FOXO1: variants seen among roughly 807,000 people sequenced by gnomAD.
The protein encoded by FOXO1 is forkhead box protein O1.
Under a neutral mutation model 44.1 loss-of-function variants are expected in FOXO1, and 6 were observed. The observed-to-expected ratio is 0.14, with a 90% CI of 0.07 to 0.27. The LOEUF (loss-of-function observed/expected upper bound fraction) is 0.27, where lower values mean the gene tolerates loss of function less well. Among genes scored for constraint, FOXO1 ranks in the 10% least tolerant of loss-of-function variants. FOXO1 has a pLI of 1.00. For synonymous variants in FOXO1, 380 were observed against 362.7 expected (o/e 1.05, Z -0.54); for missense variants, 737 against 888.8 (o/e 0.83, Z 2.17).
At chr13:40,603,433 A>G (rs1174806855) in intron 1 of FOXO1, among the ~76,000 whole-genome samples, 2 of 151,462 alleles carry the variant, frequency 1.3e-5, no homozygotes, top group Non-Finnish European at 2.9e-5. Context: ...AAAAGTATGT[A>G]TACCTTATAT....
At chr13:40,631,154 T>C (rs1876949574) in intron 1 of FOXO1, among the ~76,000 whole-genome samples, 1 of 152,100 alleles carries the variant, frequency 6.6e-6, no homozygotes, top group African/African-American at 2.4e-5. Flanking sequence ...TCCTGCAGGG[T>C]GGAGTGGCAG....
chr13:40,653,997 T>C (rs929359748), intron 1 of FOXO1, among the ~76,000 whole-genome samples: 1 of 152,128 alleles, frequency 6.6e-6, no homozygotes, highest in Non-Finnish European at 1.5e-5. Context: ...GAAATATCTT[T>C]AATGAAACAA....
chr13:40,631,198 T>A (rs1328921820), intron 1 of FOXO1, among the ~76,000 whole-genome samples: 1 of 152,168 alleles, frequency 6.6e-6, no homozygotes, highest in East Asian at 1.9e-4. Context: ...GAAAAGTATT[T>A]ATGCTGCAAC....
intron 1 of FOXO1, 76 bp downstream of exon 1, chr13:40,665,507 G>A (rs1188862439): frequency 3.3e-6 from 4 of 1,230,020 alleles, no homozygotes; most frequent in East Asian, 3.1e-5. Flanking sequence ...CCTTCAGGCC[G>A]AGCAAACCTG....
At chr13:40,610,365 T>C (rs1270951059) in intron 1 of FOXO1, among the ~76,000 whole-genome samples, 1 of 152,176 alleles carries the variant, frequency 6.6e-6, no homozygotes, top group African/African-American at 2.4e-5. Flanking sequence ...AGGGGGTGTT[T>C]AGTGTGTGAG....
chr13:40,608,525 TA>T, intron 1 of FOXO1, among the ~76,000 whole-genome samples: 1 of 152,366 alleles, frequency 6.6e-6, no homozygotes, highest in East Asian at 1.9e-4. Context: ...GAGCAAAAGC[TA>T]ACTGATACAA....
chr13:40,565,291 A>G (rs867171428), intron 1 of FOXO1, among the ~76,000 whole-genome samples: 1 of 152,118 alleles, frequency 6.6e-6, no homozygotes, highest in Non-Finnish European at 1.5e-5. Flanking sequence ...GAAGCTTTTG[A>G]TCTACCTGGG....
At chr13:40,661,839 A>G (rs1359036503) in intron 1 of FOXO1, among the ~76,000 whole-genome samples, 2 of 152,174 alleles carry the variant, frequency 1.3e-5, no homozygotes, top group Non-Finnish European at 2.9e-5. Context: ...CATAGGCCAA[A>G]TAAGAAACAT....
chr13:40,657,618 C>G (rs980717706), intron 1 of FOXO1, among the ~76,000 whole-genome samples: 2 of 152,088 alleles, frequency 1.3e-5, no homozygotes, highest in African/African-American at 4.8e-5. Context: ...ACAGGCATGA[C>G]CCACTGTGCC....
intron 1 of FOXO1, among the ~76,000 whole-genome samples, chr13:40,581,414 G>A (rs769686547): frequency 2.6e-5 from 4 of 152,144 alleles, no homozygotes; most frequent in East Asian, 1.9e-4. Flanking sequence ...ATCATCAACA[G>A]AACTTTAATT....
At chr13:40,623,215 T>A (rs1282569807) in intron 1 of FOXO1, among the ~76,000 whole-genome samples, 1 of 152,088 alleles carries the variant, frequency 6.6e-6, no homozygotes, top group African/African-American at 2.4e-5. Context: ...TGCATTTCGC[T>A]CCAGGCCATA....
intron 1 of FOXO1, among the ~76,000 whole-genome samples, chr13:40,659,614 T>G (rs1871113289): frequency 6.6e-6 from 1 of 151,934 alleles, no homozygotes; most frequent in African/African-American, 2.4e-5. Flanking sequence ...TTTGACTTAA[T>G]ATCAAAACTA....
rs576282292 is a variant in FOXO1, at chr13:40,617,217, G to A, written c.630+48366C>T. On this transcript the variant is annotated intron_variant, in intron 1 of 2. Coordinates refer to ENST00000379561, the MANE Select transcript of FOXO1 (RefSeq NM_002015.4). ...TCCCAGCACTTTGGGAGGCCAAGGC[G>A]GACAGATCACCTGAGGTCAGGAGTT... is the stretch of plus-strand genomic sequence containing the variant. 2.7e-3 allele frequency among the ~76,000 whole-genome samples: 418 copies of A among 152,218 alleles called. 4 individuals are homozygous for A. Among genetic ancestry groups the A allele is most frequent in the African/African-American group, 8.3e-3 (345 of 41,528 alleles).
At chr13:40,648,045 T>C (rs1164288303) in intron 1 of FOXO1, among the ~76,000 whole-genome samples, 1 of 152,236 alleles carries the variant, frequency 6.6e-6, no homozygotes, top group Non-Finnish European at 1.5e-5. Context: ...ATCTGACTCT[T>C]CTTCGAGTCA....
intron 1 of FOXO1, chr13:40,620,263 G>A (rs1876564049): frequency 7.3e-7 from 1 of 1,365,034 alleles, no homozygotes; most frequent in South Asian, 1.2e-5. Flanking sequence ...AGAAAATAGA[G>A]ATCAGGACAG....
chr13:40,624,688 TA>T (rs1259373965), intron 1 of FOXO1, among the ~76,000 whole-genome samples: 3 of 152,194 alleles, frequency 2.0e-5, no homozygotes, highest in Non-Finnish European at 4.4e-5. Flanking sequence ...CCACTCAAAT[TA>T]TTTTTTTGGA....
rs115394850 is a variant in FOXO1, at chr13:40,600,519, C to T, written c.631-39659G>A. Among the ~76,000 whole-genome samples the T allele has an allele frequency of 6.8e-3, 1,036 of 152,294 alleles. 13 individuals carry two copies. The highest frequency in any genetic ancestry group is 0.023 in the African/African-American group (958 of 41,562). On this transcript the variant is annotated intron_variant, in intron 1 of 2. Transcript: ENST00000379561. ...CAATTAGGCATCCAAAATTTAAAGA[C>T]GCCCTTTCTCAACTCCAACTACTGC... is the stretch of plus-strand genomic sequence containing the variant.
At chr13:40,649,178 G>GT (rs1368573242) in intron 1 of FOXO1, among the ~76,000 whole-genome samples, 1 of 152,192 alleles carries the variant, frequency 6.6e-6, no homozygotes, top group Non-Finnish European at 1.5e-5. Flanking sequence ...GTGGAAAGGG[G>GT]TTGTCTTCAT....
At chr13:40,664,821 G>A (rs1224157862) in intron 1 of FOXO1, among the ~76,000 whole-genome samples, 1 of 151,040 alleles carries the variant, frequency 6.6e-6, no homozygotes, top group Non-Finnish European at 1.5e-5. Flanking sequence ...CACCGCCACC[G>A]CCACCGCCAC....
Sources: allele counts gnomAD v4.1 joint callset (sites outside exome capture counted in the v4.1 genomes callset), GRCh38; gene constraint gnomAD v4.1.1; transcripts MANE v1.5; gene names NCBI Gene and HGNC (gene_info 2026-07-23, HGNC 2026-07-21).